PPP1CB: variants seen among roughly 807,000 people sequenced by gnomAD.
PPP1CB encodes the protein serine/threonine-protein phosphatase PP1-beta catalytic subunit.
PPP1CB carries 2 observed loss-of-function variants against 43.7 expected under a neutral mutation model. The observed-to-expected ratio is 0.05, with a 90% CI of 0.02 to 0.14. The LOEUF is 0.14. Ranked by LOEUF, PPP1CB falls within the 10% of genes least tolerant of loss-of-function variation. The pLI is 1.00. For synonymous variants in PPP1CB, 136 were observed against 135.6 expected, an observed-to-expected ratio of 1.00 and a Z score of -0.02; for missense variants, 84 against 398.0, an observed-to-expected ratio of 0.21 and a Z score of 6.71.
In PPP1CB at chr2:28,786,153, G is replaced by A. The variant is rs960872458; in HGVS notation, c.592+2175G>A. Among the ~76,000 whole-genome samples the A allele has an allele frequency of 2.6e-5, 4 of 152,008 alleles. No individual in the cohort carries two copies. The South Asian group carries it at 6.2e-4, about 24-fold the overall frequency. ...TTTGAGACAGAATTTCACTCTTGTCGCCCAGGCTGGAGTGCAATGGCCTGA... is the reference window on the plus strand; with the variant it reads ...TTTGAGACAGAATTTCACTCTTGTCACCCAGGCTGGAGTGCAATGGCCTGA... On this transcript the variant is annotated intron_variant, in intron 5 of 7. Coordinates refer to ENST00000395366, the MANE Select transcript of PPP1CB (RefSeq NM_002709.3).
chr2:28,774,812 A>G (rs1666998360), intron 1 of PPP1CB, among the ~76,000 whole-genome samples: 2 of 152,178 alleles, frequency 1.3e-5, no homozygotes, highest in South Asian at 4.1e-4. Flanking sequence ...CCAAATATGC[A>G]TCAGAAGTAG....
At chr2:28,774,469 A>G (rs1247220602) in intron 1 of PPP1CB, among the ~76,000 whole-genome samples, 1 of 152,120 alleles carries the variant, frequency 6.6e-6, no homozygotes, top group Admixed American at 6.5e-5. Flanking sequence ...CTTGTCTCCC[A>G]GGCTGGAGTG....
rs559818092 is a variant in PPP1CB, at chr2:28,751,880, C to T, written c.-245C>T. The T allele has an allele frequency of 2.9e-4, 167 of 578,582 alleles. No homozygotes were observed. The highest frequency in any genetic ancestry group is 2.8e-3 in the African/African-American group (148 of 52,582). The allele number at this position is 578,582 out of a possible 1,614,324, so 35.8% of individuals were successfully genotyped here. A position where few individuals can be genotyped will look rare whatever the true frequency, so the allele number is the denominator to read the frequency against. On this transcript the variant is annotated 5_prime_UTR_variant, in exon 1 of 8. Transcript: ENST00000395366. ...AGGAGGTGGCGGCCTGGGTCTGACG[C>T]GGCCCTGTTCGAGGGGGCCTCTCTT...
intron 1 of PPP1CB, among the ~76,000 whole-genome samples, chr2:28,756,479 A>G (rs1003244909): frequency 2.0e-5 from 3 of 152,142 alleles, no homozygotes; most frequent in African/African-American, 7.2e-5. Context: ...TACTCTTAAG[A>G]TTTAGTTAGG....
At chr2:28,771,759 A>G (rs1425118743) in intron 1 of PPP1CB, among the ~76,000 whole-genome samples, 2 of 152,218 alleles carry the variant, frequency 1.3e-5, no homozygotes, top group African/African-American at 4.8e-5. Flanking sequence ...AGTGGGCTAA[A>G]ACAATAAAAT....
intron 1 of PPP1CB, among the ~76,000 whole-genome samples, 175 bp downstream of exon 1, chr2:28,752,351 A>G (rs1014150565): frequency 6.6e-6 from 1 of 151,334 alleles, no homozygotes; most frequent in Non-Finnish European, 1.5e-5. Flanking sequence ...GGCGCGGGGG[A>G]GCGGCCTCTG....
At chr2:28,762,130 A>G (rs1007396858) in intron 1 of PPP1CB, among the ~76,000 whole-genome samples, 1 of 152,126 alleles carries the variant, frequency 6.6e-6, no homozygotes, top group Non-Finnish European at 1.5e-5. Flanking sequence ...TAAAAATATA[A>G]AAAAGTTAGC....
chr2:28,782,942 G>T (rs972032272), intron 4 of PPP1CB: 1 of 152,202 alleles, frequency 6.6e-6, no homozygotes, highest in Non-Finnish European at 1.5e-5. Context: ...CATTAAACAC[G>T]TAATGAATTG....
At chr2:28,791,975 G>T (rs1459936703) in intron 6 of PPP1CB, among the ~76,000 whole-genome samples, 2 of 152,022 alleles carry the variant, frequency 1.3e-5, no homozygotes, top group Non-Finnish European at 2.9e-5. Context: ...AAAAAACCAA[G>T]AACTAAAAAC....
In PPP1CB at chr2:28,753,856, C is replaced by G. The variant is rs187066113; in HGVS notation, c.52+1680C>G. ...TCGAGCGATTCTTCCGCCTCAGCCT[C>G]CTGAGTAGCTGGGATTACAGGCACC... is the stretch of plus-strand genomic sequence containing the variant. On this transcript the variant is annotated intron_variant, in intron 1 of 7. Transcript: ENST00000395366. 1.7e-3 allele frequency among the ~76,000 whole-genome samples: 256 copies of G among 152,234 alleles called. 3 individuals carry two copies. Among genetic ancestry groups the G allele is most frequent in the African/African-American group, 5.9e-3 (243 of 41,530 alleles).
rs929349351 is a variant in PPP1CB at position 28,801,642 on chromosome 2, C to T, written c.*2339C>T. The T allele has an allele frequency of 2.0e-5, 3 of 152,040 alleles. No homozygotes were observed. Among genetic ancestry groups the T allele is most frequent in the African/African-American group, 7.2e-5 (3 of 41,420 alleles). The allele number at this position is 152,040 out of a possible 1,614,324, so 9.4% of individuals were successfully genotyped here. A position where few individuals can be genotyped will look rare whatever the true frequency, so the allele number is the denominator to read the frequency against. On this transcript the variant is annotated 3_prime_UTR_variant, in exon 8 of 8. Transcript: ENST00000395366. ...ACTTGAAATAAATAAAACTTTGTTT[C>T]TTAGGAGAAAATGATTCTGTAATTC...
At chr2:28,777,536 T>G (rs1667067316) in intron 2 of PPP1CB, among the ~76,000 whole-genome samples, 1 of 152,250 alleles carries the variant, frequency 6.6e-6, no homozygotes. Context: ...GTTTTGAAGA[T>G]TATACTACTT....
At chr2:28,769,033 T>C (rs1162117194) in intron 1 of PPP1CB, among the ~76,000 whole-genome samples, 2 of 152,006 alleles carry the variant, frequency 1.3e-5, no homozygotes, top group Non-Finnish European at 2.9e-5. Flanking sequence ...GCAGGGTAAA[T>C]AGAGAGAAAA....
At chr2:28,759,707 T>A (rs1044410691) in intron 1 of PPP1CB, among the ~76,000 whole-genome samples, 1 of 151,224 alleles carries the variant, frequency 6.6e-6, no homozygotes, top group Admixed American at 6.6e-5. Context: ...AACCTCTGCC[T>A]CTCAGGTTCA....
chr2:28,752,220 G>C (rs2148449577), intron 1 of PPP1CB, 44 bp downstream of exon 1: 1 of 1,490,140 alleles, frequency 6.7e-7, no homozygotes, highest in Non-Finnish European at 9.0e-7. Context: ...GTCGGGCACC[G>C]CCGCCGACCC....
intron 1 of PPP1CB, 65 bp downstream of exon 1, chr2:28,752,241 G>T (rs2276547): frequency 1.4e-5 from 20 of 1,407,966 alleles, no homozygotes; most frequent in East Asian, 5.6e-5. Flanking sequence ...CTGCGTCCCC[G>T]TCTGCCGCCG....
chr2:28,771,763 A>G (rs912876146), intron 1 of PPP1CB, among the ~76,000 whole-genome samples: 1 of 152,198 alleles, frequency 6.6e-6, no homozygotes, highest in African/African-American at 2.4e-5. Flanking sequence ...GGCTAAAACA[A>G]TAAAATATCT....
At chr2:28,781,644 A>G in intron 3 of PPP1CB, 94 bp from the exon 4 acceptor site, 2 of 851,724 alleles carry the variant, frequency 2.3e-6, no homozygotes. Flanking sequence ...GAAGAAATGA[A>G]GAAAATTGAA....
rs143925750 is a variant in PPP1CB at position 28,783,714 on chromosome 2, G to A, written c.521-193G>A. Among the ~76,000 whole-genome samples, 649 of 151,364 alleles carry A rather than the reference G, an allele frequency of 4.3e-3. 4 individuals are homozygous for A. The highest frequency in any genetic ancestry group is 0.015 in the African/African-American group (607 of 41,202). On this transcript the variant is annotated intron_variant, in intron 4 of 7. Transcript: ENST00000395366. ...GGAGGTTGCAGTGAGCTGAGATCAC[G>A]CTACTGCACTGCAGCCTGGGTGACA... is the stretch of plus-strand genomic sequence containing the variant.
Sources: gnomAD v4.1 joint callset for allele counts (sites outside exome capture counted in the v4.1 genomes callset) on GRCh38, gnomAD v4.1.1 for gene constraint, MANE v1.5 for transcripts, NCBI Gene and HGNC (gene_info 2026-07-23, HGNC 2026-07-21) for gene names.